VAT1L: variants seen among roughly 807,000 people sequenced by gnomAD.
VAT1L encodes the protein vesicle amine transport 1 like, also known as putative NADPH-dependent quinone oxidoreductase VAT1L.
In VAT1L, 34 loss-of-function variants were observed where a neutral mutation model predicts 44.1. The ratio of observed to expected loss-of-function variants is 0.77; its 90% CI spans 0.59 to 1.03. The LOEUF is 1.03. Among genes scored for constraint, VAT1L ranks in the 50% least tolerant of loss-of-function variants. The probability of loss-of-function intolerance (pLI) is 0.00; values close to 1 mark genes in which losing one functional copy is unlikely to be tolerated. For missense variants in VAT1L, 615 were observed against 538.8 expected (o/e 1.14, Z -1.40); for synonymous variants, 253 against 202.2 (o/e 1.25, Z -2.13).
intron 7 of VAT1L, among the ~76,000 whole-genome samples, chr16:77,888,199 C>G (rs2142464494): frequency 6.6e-6 from 1 of 152,350 alleles, no homozygotes. Context: ...TTCTGTCTCC[C>G]TTTACTCCAT....
intron 7 of VAT1L, among the ~76,000 whole-genome samples, chr16:77,960,456 G>A (rs1453355872): frequency 6.6e-6 from 1 of 152,152 alleles, no homozygotes; most frequent in Non-Finnish European, 1.5e-5. Context: ...GCCTGAAGGG[G>A]CACGAGGAAG....
rs2142552802 is a variant in VAT1L, at chr16:77,979,598, GGA to G, written c.*1905_*1906del. The stretch of plus-strand genomic sequence containing the variant: ...CATACTAGGGCTCTCCTTCCCCCGG[GGA>G]GTGGGAACTCAGCCACATTCAGAAT... On this transcript the variant is annotated 3_prime_UTR_variant, in exon 9 of 9. Transcript: ENST00000302536. The G allele has an allele frequency of 6.6e-6, 1 of 152,222 alleles. No individual in the cohort carries two copies. Among genetic ancestry groups the G allele is most frequent in the South Asian group, 2.1e-4 (1 of 4,824 alleles). The allele number at this position is 152,222 out of a possible 1,614,324, so 9.4% of individuals were successfully genotyped here.
chr16:77,858,486 A>G (rs1022927652), intron 3 of VAT1L, among the ~76,000 whole-genome samples: 4 of 152,234 alleles, frequency 2.6e-5, no homozygotes, highest in Non-Finnish European at 5.9e-5. Context: ...TGTATTGAGC[A>G]TTGATTGTTC....
intron 3 of VAT1L, among the ~76,000 whole-genome samples, chr16:77,851,581 A>T (rs1352337068): frequency 6.6e-6 from 1 of 152,106 alleles, no homozygotes; most frequent in African/African-American, 2.4e-5. Flanking sequence ...TGAGACCAAG[A>T]GTTTGAGTTT....
intron 3 of VAT1L, among the ~76,000 whole-genome samples, chr16:77,847,374 C>T (rs1195237928): frequency 6.6e-6 from 1 of 152,144 alleles, no homozygotes; most frequent in African/African-American, 2.4e-5. Flanking sequence ...CCCGGTCTTC[C>T]CGTGCTTCTG....
At chr16:77,907,948 G>A (rs555180789) in intron 7 of VAT1L, among the ~76,000 whole-genome samples, 27 of 152,294 alleles carry the variant, frequency 1.8e-4, no homozygotes, top group African/African-American at 6.0e-4. Context: ...TGATAGAAAA[G>A]CCATCAAAAG....
chr16:77,927,323 G>A (rs899349598), intron 7 of VAT1L, among the ~76,000 whole-genome samples: 2 of 147,710 alleles, frequency 1.4e-5, no homozygotes, highest in Non-Finnish European at 3.0e-5. Flanking sequence ...GGGTGACAGA[G>A]CGAGACTCCA....
At chr16:77,890,586 A>G (rs2017254233) in intron 7 of VAT1L, among the ~76,000 whole-genome samples, 1 of 152,174 alleles carries the variant, frequency 6.6e-6, no homozygotes, top group Non-Finnish European at 1.5e-5. Context: ...TAGTACACAG[A>G]GGGCTGCACA....
intron 2 of VAT1L, among the ~76,000 whole-genome samples, chr16:77,819,343 T>A (rs1274948744): frequency 6.6e-6 from 1 of 152,192 alleles, no homozygotes; most frequent in East Asian, 1.9e-4. Context: ...CTAGTTATCT[T>A]CTGATGCACT....
At chr16:77,946,575 C>T (rs2017969916) in intron 7 of VAT1L, among the ~76,000 whole-genome samples, 1 of 152,100 alleles carries the variant, frequency 6.6e-6, no homozygotes, top group African/African-American at 2.4e-5. Flanking sequence ...AGCCACAGCA[C>T]CCAGCCCGAG....
intron 7 of VAT1L, among the ~76,000 whole-genome samples, chr16:77,886,288 T>C (rs1379520253): frequency 6.6e-6 from 1 of 152,146 alleles, no homozygotes; most frequent in Admixed American, 6.5e-5. Context: ...CACTATCATA[T>C]CTCATTGGAA....
chr16:77,835,345 T>C (rs1011984636), intron 3 of VAT1L, among the ~76,000 whole-genome samples: 42 of 152,200 alleles, frequency 2.8e-4, no homozygotes, highest in African/African-American at 9.9e-4. Context: ...GAATAGTCTT[T>C]CCAGATTTTT....
intron 7 of VAT1L, among the ~76,000 whole-genome samples, chr16:77,940,437 G>T (rs575021155): frequency 7.0e-6 from 1 of 141,852 alleles, no homozygotes; most frequent in Non-Finnish European, 1.5e-5. Context: ...TCTGCCTCCC[G>T]GGTTCAAGCG....
chr16:77,837,503 C>G (rs1047539574), intron 3 of VAT1L, among the ~76,000 whole-genome samples: 1 of 152,216 alleles, frequency 6.6e-6, no homozygotes. Context: ...CCTTCATCCC[C>G]TGTATCCCAA....
In VAT1L at chr16:77,936,648, C is replaced by T. The variant is rs2017800524; in HGVS notation, c.1078-35202C>T. Among the ~76,000 whole-genome samples the T allele has an allele frequency of 3.3e-5, 5 of 152,230 alleles. No individual in the cohort carries two copies. In the South Asian group the frequency reaches 1.0e-3, roughly 32 times the overall value. On this transcript the variant is annotated intron_variant, in intron 7 of 8. Transcript: ENST00000302536. ...CGAGAGAGCGTGCTTCCTACCTGTG[C>T]ACTTCCTGCCTCACAGTTTGAATCC...
chr16:77,797,536 G>C (rs1386043696), intron 1 of VAT1L, among the ~76,000 whole-genome samples: 1 of 152,146 alleles, frequency 6.6e-6, no homozygotes, highest in Non-Finnish European at 1.5e-5. Flanking sequence ...GTTGCTGCAG[G>C]GATTTCTTTG....
At position 77,788,918 on chromosome 16, in the gene VAT1L, C is replaced by G. The variant is rs2015780175; in HGVS notation, c.233+3C>G. On this transcript the variant is annotated splice_donor_region_variant and intron_variant, in intron 1 of 8. Transcript: ENST00000302536. ...CTCAAGATCCGCGTCAAAGCCTGGT[C>G]CAGTATCCGCGCCTTTCTCGCTTTC... The G allele has an allele frequency of 6.7e-7, 1 of 1,491,612 alleles. No individual in the cohort carries two copies. The allele number at this position is 1,491,612 out of a possible 1,614,324, so 92.4% of individuals were successfully genotyped here. A position where few individuals can be genotyped will look rare whatever the true frequency, so the allele number is the denominator to read the frequency against.
chr16:77,850,345 A>G (rs1013278515), intron 3 of VAT1L, among the ~76,000 whole-genome samples: 1 of 152,188 alleles, frequency 6.6e-6, no homozygotes, highest in Non-Finnish European at 1.5e-5. Context: ...AGCTAAGGCT[A>G]TCAGTTCAGA....
intron 7 of VAT1L, among the ~76,000 whole-genome samples, chr16:77,920,084 AAAAT>A (rs1048898364): frequency 2.6e-5 from 4 of 152,190 alleles, no homozygotes; most frequent in East Asian, 3.9e-4. Context: ...TGTCCAAAAA[AAAAT>A]AAATAAATAA....
Sources: allele counts gnomAD v4.1 joint callset (sites outside exome capture counted in the v4.1 genomes callset), GRCh38; gene constraint gnomAD v4.1.1; transcripts MANE v1.5; gene names NCBI Gene and HGNC (gene_info 2026-07-23, HGNC 2026-07-21).